SNX29: variants seen among roughly 807,000 people sequenced by gnomAD.
SNX29 encodes the protein sorting nexin 29, also known as sorting nexin-29.
SNX29 carries 78 observed loss-of-function variants against 102.1 expected under a neutral mutation model. The ratio of observed to expected loss-of-function variants is 0.76; its 90% CI spans 0.64 to 0.92. SNX29 has a LOEUF of 0.92. Ranked by LOEUF, SNX29 falls within the 40% of genes least tolerant of loss-of-function variation. The pLI is 0.00. For synonymous variants in SNX29, 580 were observed against 414.5 expected (o/e 1.40, Z -4.85); for missense variants, 1,280 against 1,061.7 (o/e 1.21, Z -2.86).
At chr16:12,121,531 C>T (rs2053971665) in intron 11 of SNX29, among the ~76,000 whole-genome samples, 1 of 152,216 alleles carries the variant, frequency 6.6e-6, no homozygotes, top group Admixed American at 6.5e-5. Context: ...ATGAGGAGTT[C>T]ACTGAGTCAC....
At chr16:12,336,066 G>A (rs1476155550) in intron 15 of SNX29, among the ~76,000 whole-genome samples, 1 of 152,128 alleles carries the variant, frequency 6.6e-6, no homozygotes, top group Non-Finnish European at 1.5e-5. Flanking sequence ...TTAAATCAAA[G>A]AAGAAGAACC....
At chr16:12,046,627 G>T (rs1641838) in intron 6 of SNX29, among the ~76,000 whole-genome samples, 173 bp downstream of exon 6, 104,080 of 151,874 alleles carry the variant, frequency 0.69, 36,477 homozygotes, top group African/African-American at 0.81. Context: ...TTTTTAATTT[G>T]TATTCCTTTA....
chr16:12,199,765 T>C, intron 14 of SNX29, 82 bp downstream of exon 14: 1 of 1,153,496 alleles, frequency 8.7e-7, no homozygotes, highest in South Asian at 1.3e-5. Flanking sequence ...AGACACTCAA[T>C]GTGTGACGAG....
chr16:12,524,792 G>A lies in SNX29; in HGVS notation c.2269G>A (p.Ala757Thr), dbSNP rs559404941. The change falls in exon 20 of 21, where the codon GCT (alanine) becomes ACT (threonine). Residue 757 changes from alanine to threonine, a missense_variant. By Grantham distance (58) the Ala-to-Thr change is moderately conservative. Transcript: ENST00000566228. ...AGTCATCCAGATGGTCCCCGAGTTC[G>A]CTGCCAGCCCCAAGAAGGAGACCCT... ...NKVIQMVPEFAASPKKETLIQ... is the reference protein window; with the variant it reads ...NKVIQMVPEFTASPKKETLIQ... The A allele has an allele frequency of 3.1e-5, 50 of 1,613,618 alleles. 1 individual carries two copies. In the Middle Eastern group the frequency reaches 5.0e-4, roughly 16 times the overall value.
intron 19 of SNX29, among the ~76,000 whole-genome samples, chr16:12,515,373 C>T (rs1273638516): frequency 1.3e-5 from 2 of 152,298 alleles, no homozygotes; most frequent in East Asian, 1.9e-4. Flanking sequence ...CTGAATGAAT[C>T]AACAAACGAA....
At chr16:12,541,293 AG>A (rs2077327840) in intron 20 of SNX29, among the ~76,000 whole-genome samples, 1 of 152,180 alleles carries the variant, frequency 6.6e-6, no homozygotes, top group African/African-American at 2.4e-5. Context: ...TACCACTAAC[AG>A]TGGGGATGGT....
intron 15 of SNX29, among the ~76,000 whole-genome samples, chr16:12,327,857 G>A (rs775735407): frequency 6.6e-6 from 1 of 152,164 alleles, no homozygotes; most frequent in African/African-American, 2.4e-5. Context: ...TTAGGTCTGA[G>A]CATCATTCTA....
chr16:12,056,301 A>G (rs1239693677), intron 8 of SNX29, among the ~76,000 whole-genome samples: 3 of 152,144 alleles, frequency 2.0e-5, no homozygotes, highest in Non-Finnish European at 4.4e-5. Flanking sequence ...TTGTGTGTAA[A>G]TGCCCAACAC....
At chr16:12,156,637 G>C (rs1239651546) in intron 13 of SNX29, among the ~76,000 whole-genome samples, 1 of 152,236 alleles carries the variant, frequency 6.6e-6, no homozygotes, top group East Asian at 1.9e-4. Context: ...AACTGATTTT[G>C]TAAGTGCTGA....
chr16:12,497,987 A>T (rs2088916411), intron 19 of SNX29, among the ~76,000 whole-genome samples: 1 of 152,164 alleles, frequency 6.6e-6, no homozygotes, highest in South Asian at 2.1e-4. Flanking sequence ...TAGCACTGTC[A>T]CCAGGAGAAA....
chr16:12,466,639 A>G (rs965971367), intron 18 of SNX29, among the ~76,000 whole-genome samples: 6 of 152,106 alleles, frequency 3.9e-5, no homozygotes, highest in African/African-American at 1.4e-4. Flanking sequence ...CTACCTCACC[A>G]TGATCTACCT....
At chr16:12,443,679 G>A (rs1449482914) in intron 18 of SNX29, among the ~76,000 whole-genome samples, 3 of 152,144 alleles carry the variant, frequency 2.0e-5, no homozygotes, top group South Asian at 2.1e-4. Flanking sequence ...TCAAACTCCC[G>A]ACCTCAGATA....
At chr16:12,159,468 T>C (rs528018798) in intron 13 of SNX29, among the ~76,000 whole-genome samples, 3 of 152,340 alleles carry the variant, frequency 2.0e-5, no homozygotes, top group Admixed American at 2.0e-4. Context: ...CCTAAAGCTT[T>C]TGCTGAAGTT....
chr16:12,242,224 C>T (rs564359527), intron 14 of SNX29, among the ~76,000 whole-genome samples: 41 of 152,116 alleles, frequency 2.7e-4, no homozygotes, highest in African/African-American at 9.6e-4. Context: ...CGGTGGACTA[C>T]AGCCTTGAAC....
chr16:12,350,029 C>T (rs938396679), intron 15 of SNX29, among the ~76,000 whole-genome samples: 9 of 152,184 alleles, frequency 5.9e-5, no homozygotes, highest in African/African-American at 1.9e-4. Context: ...AGTTTCTTTC[C>T]TCCTCTGATG....
intron 20 of SNX29, among the ~76,000 whole-genome samples, chr16:12,558,435 C>G (rs1260094966): frequency 6.6e-6 from 1 of 152,220 alleles, no homozygotes; most frequent in Admixed American, 6.5e-5. Flanking sequence ...ATCTAGAAAG[C>G]ATTGGTAGAC....
chr16:12,440,348 G>A (rs186172712), intron 18 of SNX29, among the ~76,000 whole-genome samples: 22 of 152,250 alleles, frequency 1.4e-4, no homozygotes, highest in African/African-American at 4.6e-4. Flanking sequence ...TCATCACCCT[G>A]GAGAAACTCT....
chr16:12,543,482 C>G (rs2077438301), intron 20 of SNX29, among the ~76,000 whole-genome samples: 1 of 152,200 alleles, frequency 6.6e-6, no homozygotes, highest in Non-Finnish European at 1.5e-5. Flanking sequence ...GTCAGTAAAG[C>G]CACAGCCACC....
chr16:12,084,075 C>G (rs753984152), intron 11 of SNX29, among the ~76,000 whole-genome samples: 16 of 152,088 alleles, frequency 1.1e-4, no homozygotes, highest in Non-Finnish European at 1.5e-5. Context: ...TATCCAGACC[C>G]ACATGATTGT....
Sources: gnomAD v4.1 joint callset for allele counts (sites outside exome capture counted in the v4.1 genomes callset) on GRCh38, gnomAD v4.1.1 for gene constraint, MANE v1.5 for transcripts, NCBI Gene and HGNC (gene_info 2026-07-23, HGNC 2026-07-21) for gene names.